Variants in RBFOX1 observed in about 807,000 individuals in gnomAD.
RBFOX1 encodes the protein RNA binding fox-1 homolog 1.
Under a neutral mutation model 57.7 loss-of-function variants are expected in RBFOX1, and 8 were observed. That is an observed-to-expected ratio of 0.14 (90% CI 0.08 to 0.25). RBFOX1 has a LOEUF of 0.25. RBFOX1 is among the 10% of genes least tolerant of loss of function. The pLI, the probability that RBFOX1 is intolerant of heterozygous loss-of-function variation, is 1.00. For synonymous variants in RBFOX1, 326 were observed against 222.4 expected, an observed-to-expected ratio of 1.47 and a Z score of -4.15; for missense variants, 611 against 548.5, an observed-to-expected ratio of 1.11 and a Z score of -1.14.
chr16:5,437,728 T>A (rs772655181), intron 1 of RBFOX1, among the ~76,000 whole-genome samples: 8 of 152,222 alleles, frequency 5.3e-5, no homozygotes, highest in Non-Finnish European at 8.8e-5. Flanking sequence ...GAAACTGTCC[T>A]GCAATGGCTG....
chr16:7,706,572 C>T (rs1429568925), intron 14 of RBFOX1, among the ~76,000 whole-genome samples: 2 of 152,278 alleles, frequency 1.3e-5, no homozygotes, highest in East Asian at 1.9e-4. Flanking sequence ...ACCATTTCCC[C>T]AATTTTTAAA....
At chr16:7,579,699 T>G in intron 5 of RBFOX1, 78 bp from the exon 6 acceptor site, 1 of 1,560,120 alleles carries the variant, frequency 6.4e-7, no homozygotes, top group Non-Finnish European at 8.8e-7. Flanking sequence ...TTCCTGCCAC[T>G]CATGGCAAGC....
At chr16:7,232,886 A>G (rs2152927235) in intron 4 of RBFOX1, among the ~76,000 whole-genome samples, 1 of 151,848 alleles carries the variant, frequency 6.6e-6, no homozygotes, top group South Asian at 2.1e-4. Context: ...GAGGTAACAG[A>G]AACAAAGAAC....
chr16:6,501,751 C>G (rs1048941398), intron 2 of RBFOX1, among the ~76,000 whole-genome samples: 1 of 152,066 alleles, frequency 6.6e-6, no homozygotes, highest in Non-Finnish European at 1.5e-5. Context: ...GTGCCAGGCA[C>G]TGCTTTTCCA....
chr16:6,984,375 C>T (rs1306875803), intron 3 of RBFOX1, among the ~76,000 whole-genome samples: 2 of 152,154 alleles, frequency 1.3e-5, no homozygotes, highest in African/African-American at 4.8e-5. Flanking sequence ...AAAAAGCCTA[C>T]ATCCTACAGC....
intron 3 of RBFOX1, among the ~76,000 whole-genome samples, chr16:6,880,752 T>G (rs1034166911): frequency 2.0e-5 from 3 of 152,318 alleles, no homozygotes; most frequent in Admixed American, 6.5e-5. Context: ...TGTATTTGAT[T>G]GCGTTGTATT....
intron 14 of RBFOX1, among the ~76,000 whole-genome samples, chr16:7,682,996 A>G (rs1284982094): frequency 3.6e-5 from 1 of 27,666 alleles, no homozygotes; most frequent in East Asian, 8.3e-4. Flanking sequence ...TAATACTTCT[A>G]TGTGTGTGTG....
chr16:6,553,200 T>C (rs1055748939), intron 2 of RBFOX1, among the ~76,000 whole-genome samples: 1 of 152,162 alleles, frequency 6.6e-6, no homozygotes, highest in African/African-American at 2.4e-5. Flanking sequence ...GCAGCTCTTC[T>C]CACGCTATGG....
intron 1 of RBFOX1, among the ~76,000 whole-genome samples, chr16:6,096,137 T>C (rs2096242929): frequency 6.6e-6 from 1 of 152,246 alleles, no homozygotes; most frequent in Non-Finnish European, 1.5e-5. Context: ...TCATTGATTT[T>C]TGTATATGCT....
At chr16:7,173,677 A>G (rs1036699316) in intron 4 of RBFOX1, among the ~76,000 whole-genome samples, 1 of 152,182 alleles carries the variant, frequency 6.6e-6, no homozygotes, top group Admixed American at 6.5e-5. Context: ...ATGGCTCCAG[A>G]AGGGTGGAAA....
intron 3 of RBFOX1, among the ~76,000 whole-genome samples, chr16:6,818,734 A>G (rs1472881983): frequency 6.6e-6 from 1 of 152,152 alleles, no homozygotes; most frequent in Non-Finnish European, 1.5e-5. Context: ...GTCATCAGAT[A>G]GAAAAAGCCC....
intron 1 of RBFOX1, among the ~76,000 whole-genome samples, chr16:6,154,765 G>A (rs1435609419): frequency 2.6e-5 from 4 of 152,158 alleles, no homozygotes; most frequent in Admixed American, 6.5e-5. Flanking sequence ...GAAGGTAAAC[G>A]TCTTTCTCAT....
intron 2 of RBFOX1, among the ~76,000 whole-genome samples, chr16:5,573,602 G>A (rs1202369500): frequency 6.6e-6 from 1 of 152,032 alleles, no homozygotes; most frequent in Non-Finnish European, 1.5e-5. Context: ...TGCTTCCCTG[G>A]GTCCCAGTCC....
chr16:5,658,801 G>C (rs201095659), intron 3 of RBFOX1, among the ~76,000 whole-genome samples: 10 of 133,160 alleles, frequency 7.5e-5, no homozygotes, highest in African/African-American at 3.0e-4. Flanking sequence ...TAATATATGT[G>C]TATATATGTA....
At chr16:7,161,797 G>A (rs188356876) in intron 4 of RBFOX1, among the ~76,000 whole-genome samples, 18 of 152,312 alleles carry the variant, frequency 1.2e-4, no homozygotes, top group African/African-American at 4.1e-4. Context: ...TTCAGCACAA[G>A]CACTGGATGT....
chr16:7,352,609 C>T (rs143979561), intron 4 of RBFOX1, among the ~76,000 whole-genome samples: 33 of 152,202 alleles, frequency 2.2e-4, no homozygotes, highest in African/African-American at 6.3e-4. Flanking sequence ...GAAACAAGCT[C>T]GCTATATTTC....
chr16:5,859,772 G>A (rs1045611686), intron 3 of RBFOX1, among the ~76,000 whole-genome samples: 5 of 152,200 alleles, frequency 3.3e-5, no homozygotes, highest in Non-Finnish European at 7.3e-5. Flanking sequence ...GAGAGGCTAA[G>A]TCACTTGTCA....
At chr16:6,776,521 C>T (rs1055594969) in intron 3 of RBFOX1, among the ~76,000 whole-genome samples, 4 of 152,154 alleles carry the variant, frequency 2.6e-5, no homozygotes, top group African/African-American at 9.7e-5. Context: ...GAAGAGGAAC[C>T]TTGGCTAGAA....
chr16:7,106,189 G>T (rs939702627), intron 4 of RBFOX1, among the ~76,000 whole-genome samples: 1 of 152,126 alleles, frequency 6.6e-6, no homozygotes, highest in Non-Finnish European at 1.5e-5. Context: ...TTTCCTGTGG[G>T]CTCTTTTTTG....
Sources: allele counts gnomAD v4.1 joint callset (sites outside exome capture counted in the v4.1 genomes callset), GRCh38; gene constraint gnomAD v4.1.1; transcripts MANE v1.5; gene names NCBI Gene and HGNC (gene_info 2026-07-23, HGNC 2026-07-21).